The following WDR27 variants were observed in gnomAD, a reference collection of about 807,000 sequenced individuals.
WDR27 encodes the protein WD repeat-containing protein 27.
A neutral mutation model predicts 114.4 loss-of-function variants in WDR27; 100 were observed. That is an observed-to-expected ratio of 0.87 (90% confidence interval 0.74 to 1.03). The LOEUF is 1.03. Ranked by LOEUF, WDR27 falls within the 50% of genes least tolerant of loss-of-function variation. The pLI is 0.00. For synonymous variants in WDR27, 449 were observed against 423.1 expected (o/e 1.06, Z -0.75); for missense variants, 1,129 against 1,092.9 (o/e 1.03, Z -0.47).
Position 169,486,552 on chromosome 6 carries a change from C to T in WDR27, c.2646-28918G>A, listed in dbSNP as rs141160247. Among the ~76,000 whole-genome samples the T allele has an allele frequency of 1.3e-3, 203 of 152,188 alleles. 3 individuals are homozygous for T. In the East Asian group the frequency reaches 0.032, roughly 24 times the overall value. On this transcript the variant is annotated intron_variant, in intron 25 of 25. Coordinates refer to ENST00000448612, the MANE Select transcript of WDR27 (RefSeq NM_182552.5). ...TGTCACCCAGGCTGGAGTGCAGTGG[C>T]GCGATCTCGGCTCACTGCAACCTCC...
chr6:169,431,306 GTCTC>G, the WDR27 span, among the ~76,000 whole-genome samples: 4 of 152,152 alleles, frequency 2.6e-5, no homozygotes, highest in South Asian at 2.1e-4. Flanking sequence ...ATTTAGAGGG[GTCTC>G]TCTAAATTTT....
rs773827084 is a variant in WDR27 at position 169,670,624 on chromosome 6, T to C, written c.401A>G (p.Asp134Gly). Residue 134 changes from aspartate (D) to glycine (G), a missense_variant, in exon 4 of 26, where the codon GAT becomes GGT. Coordinates refer to ENST00000448612, the MANE Select transcript of WDR27 (RefSeq NM_182552.5). ...AGCACACACGGCAACAACATGATCATCCAGGCTCAACTGTAAACACAGCAC... is the reference window on the plus strand; with the variant it reads ...AGCACACACGGCAACAACATGATCACCCAGGCTCAACTGTAAACACAGCAC... ...GKVLCLQLSL[D>G]DHVVAVCAGN... The C allele has an allele frequency of 2.7e-5, 44 of 1,613,808 alleles. No individual in the cohort carries two copies. Among genetic ancestry groups the C allele is most frequent in the South Asian group, 9.9e-5 (9 of 91,080 alleles).
intron 22 of WDR27, among the ~76,000 whole-genome samples, chr6:169,611,306 CTT>C (rs56812983): frequency 1.5e-5 from 2 of 132,240 alleles, no homozygotes; most frequent in Admixed American, 7.9e-5. Flanking sequence ...TTTTTACTTA[CTT>C]TTTTTTTTTT....
chr6:169,555,904 G>A (rs562636554), intron 25 of WDR27, among the ~76,000 whole-genome samples: 32 of 152,026 alleles, frequency 2.1e-4, no homozygotes, highest in Non-Finnish European at 4.1e-4. Flanking sequence ...CGTGTTGCTG[G>A]AGCAAACCGA....
At chr6:169,642,315 C>G (rs1406440506) in intron 17 of WDR27, among the ~76,000 whole-genome samples, 2 of 151,586 alleles carry the variant, frequency 1.3e-5, no homozygotes. Context: ...CCCCCGCCCA[C>G]AGAAACAGAG....
chr6:169,573,580 T>A (rs910744103), intron 24 of WDR27, among the ~76,000 whole-genome samples: 1 of 152,212 alleles, frequency 6.6e-6, no homozygotes, highest in Non-Finnish European at 1.5e-5. Flanking sequence ...ATCCCCCATG[T>A]AGACCGAGGG....
At chr6:169,490,359 A>G (rs1040798543) in intron 25 of WDR27, among the ~76,000 whole-genome samples, 1 of 152,236 alleles carries the variant, frequency 6.6e-6, no homozygotes, top group Non-Finnish European at 1.5e-5. Flanking sequence ...TGTTTCTAAG[A>G]AGGTTTGGGA....
At chr6:169,442,568 ACAAT>A in the WDR27 span, among the ~76,000 whole-genome samples, 3 of 152,162 alleles carry the variant, frequency 2.0e-5, no homozygotes, top group African/African-American at 4.8e-5. Context: ...CCCTCCACAA[ACAAT>A]CATTCTTTTT....
chr6:169,682,709 A>T (rs1781854581), intron 2 of WDR27, among the ~76,000 whole-genome samples: 1 of 152,186 alleles, frequency 6.6e-6, no homozygotes, highest in Non-Finnish European at 1.5e-5. Flanking sequence ...GGAAAATATG[A>T]CCCCATCAAA....
the WDR27 span, among the ~76,000 whole-genome samples, chr6:169,444,322 G>T: frequency 6.6e-6 from 1 of 152,334 alleles, no homozygotes. Flanking sequence ...CCTCTAAAAA[G>T]AATGTGTTTG....
At chr6:169,525,764 A>G (rs924347791) in intron 25 of WDR27, among the ~76,000 whole-genome samples, 4 of 152,210 alleles carry the variant, frequency 2.6e-5, no homozygotes, top group Non-Finnish European at 5.9e-5. Context: ...CTAAATCAAT[A>G]TATCAAAGAG....
At chr6:169,647,746 A>C (rs1562804947) in intron 16 of WDR27, 27 bp downstream of exon 16, 48 of 1,532,548 alleles carry the variant, frequency 3.1e-5, no homozygotes, top group Non-Finnish European at 4.2e-5. Context: ...ATGAAATGCT[A>C]CCCAGCTCCC....
the WDR27 span, among the ~76,000 whole-genome samples, chr6:169,441,729 C>T: frequency 6.6e-6 from 1 of 152,348 alleles, no homozygotes; most frequent in Admixed American, 6.5e-5. Context: ...TTTTCTTTCA[C>T]AACAATGCAT....
intron 25 of WDR27, among the ~76,000 whole-genome samples, chr6:169,468,468 G>A (rs1226725995): frequency 6.6e-6 from 1 of 152,164 alleles, no homozygotes; most frequent in Non-Finnish European, 1.5e-5. Context: ...GAAAAAGGGG[G>A]AAATCCCCTT....
At chr6:169,658,187 T>G in intron 13 of WDR27, 89 bp downstream of exon 13, 1 of 1,032,724 alleles carries the variant, frequency 9.7e-7, no homozygotes, top group South Asian at 1.4e-5. Context: ...TATTTTAACA[T>G]AAGAATTCGC....
At chr6:169,552,314 T>G (rs1798259930) in intron 25 of WDR27, among the ~76,000 whole-genome samples, 1 of 152,102 alleles carries the variant, frequency 6.6e-6, no homozygotes. Context: ...ACCACTCATG[T>G]TATTATTGTT....
rs148015276 is a variant in WDR27 at position 169,698,569 on chromosome 6, A to G, written c.-8+2982T>C. On this transcript the variant is annotated intron_variant, in intron 1 of 25. Transcript: ENST00000448612. Reference sequence around the variant, plus strand: ...TATATGTTAAAATATTCATTTTTCTATTTCTGTGGTCTGGCAGTTTTCCCC... The same window carrying G: ...TATATGTTAAAATATTCATTTTTCTGTTTCTGTGGTCTGGCAGTTTTCCCC... Among the ~76,000 whole-genome samples the G allele has an allele frequency of 2.3e-3, 347 of 152,266 alleles. 2 individuals carry two copies. Among genetic ancestry groups the G allele is most frequent in the African/African-American group, 7.8e-3 (326 of 41,548 alleles).
At chr6:169,695,987 TG>T (rs549741538) in intron 1 of WDR27, among the ~76,000 whole-genome samples, 294 of 152,250 alleles carry the variant, frequency 1.9e-3, no homozygotes, top group African/African-American at 6.5e-3. Context: ...CCAAAGACTC[TG>T]GAAGGAGCCA....
At chr6:169,580,968 T>TATATATATATATAA (rs1803299302) in intron 24 of WDR27, among the ~76,000 whole-genome samples, 1 of 147,588 alleles carries the variant, frequency 6.8e-6, no homozygotes, top group South Asian at 2.1e-4. Context: ...TATATATATA[T>TATATATATATATAA]AAATTCGGTA....
Sources: gnomAD v4.1 joint callset for allele counts (sites outside exome capture counted in the v4.1 genomes callset) on GRCh38, gnomAD v4.1.1 for gene constraint, MANE v1.5 for transcripts, NCBI Gene and HGNC (gene_info 2026-07-23, HGNC 2026-07-21) for gene names.